PLAC1: variants seen among roughly 807,000 people sequenced by gnomAD.
PLAC1 encodes placenta-specific protein 1.
For missense variants in PLAC1, 136 were observed against 163.2 expected (o/e 0.83, Z 0.91); for synonymous variants, 68 against 62.1 (o/e 1.09, Z -0.44).
intron 1 of PLAC1, among the ~76,000 whole-genome samples, chrX:134,638,058 A>G (rs996041323): frequency 1.8e-5 from 2 of 112,158 alleles, no homozygotes; most frequent in Admixed American, 9.5e-5. Context: ...CTTTGTTTAA[A>G]TGTCCTTTTT....
At chrX:134,640,986 C>G (rs1163797076) in intron 1 of PLAC1, among the ~76,000 whole-genome samples, 1 of 111,911 alleles carries the variant, frequency 8.9e-6, no homozygotes, top group Non-Finnish European at 1.9e-5. Flanking sequence ...GTGGCATGTG[C>G]CTGTAGTCCT....
chrX:134,575,838 TA>T (rs1179537183), intron 2 of PLAC1, among the ~76,000 whole-genome samples: 2 of 108,800 alleles, frequency 1.8e-5, no homozygotes, highest in Non-Finnish European at 3.8e-5. Flanking sequence ...ATTACTTGTT[TA>T]AAAAAAAGCA....
chrX:134,630,657 G>GCT (rs772866843), intron 1 of PLAC1, among the ~76,000 whole-genome samples: 11 of 112,010 alleles, frequency 9.8e-5, no homozygotes, highest in African/African-American at 3.6e-4. Flanking sequence ...AAGTAGACTG[G>GCT]CTCTAAGTAG....
intron 1 of PLAC1, among the ~76,000 whole-genome samples, chrX:134,641,203 T>C (rs2078306336): frequency 9.0e-6 from 1 of 111,556 alleles, no homozygotes; most frequent in Admixed American, 9.5e-5. Context: ...CAGTGAGCTA[T>C]GATCACACCA....
At chrX:134,618,197 A>G (rs2078193805) in intron 1 of PLAC1, among the ~76,000 whole-genome samples, 1 of 111,721 alleles carries the variant, frequency 9.0e-6, no homozygotes, top group South Asian at 3.8e-4. Flanking sequence ...TGTTTTGAAT[A>G]AAGTGACAAA....
At chrX:134,643,188 T>C (rs2078315424) in intron 1 of PLAC1, among the ~76,000 whole-genome samples, 1 of 111,761 alleles carries the variant, frequency 8.9e-6, no homozygotes, top group Non-Finnish European at 1.9e-5. Flanking sequence ...GACAATTTTC[T>C]GGGATACTTT....
chrX:134,745,656 G>A (rs143079580), intron 1 of PLAC1, among the ~76,000 whole-genome samples: 144 of 111,992 alleles, frequency 1.3e-3, no homozygotes, highest in African/African-American at 4.1e-3. Flanking sequence ...CGCAGTAACA[G>A]GAATGTCACT....
At chrX:134,667,443 T>C (rs1263074732) in intron 2 of PLAC1, among the ~76,000 whole-genome samples, 3 of 112,009 alleles carry the variant, frequency 2.7e-5, no homozygotes, top group East Asian at 5.6e-4. Context: ...CATCAATAAT[T>C]AGGGTAATGC....
intron 2 of PLAC1, among the ~76,000 whole-genome samples, chrX:134,694,201 C>T (rs1035911407): frequency 1.8e-5 from 2 of 111,526 alleles, no homozygotes; most frequent in Admixed American, 9.5e-5. Flanking sequence ...CTGCCCCTAA[C>T]AGTGCCTAGG....
At chrX:134,758,549 G>C (rs2078762430) in intron 1 of PLAC1, among the ~76,000 whole-genome samples, 1 of 111,998 alleles carries the variant, frequency 8.9e-6, no homozygotes, top group African/African-American at 3.2e-5. Flanking sequence ...CCTGGGGAAA[G>C]GACACTTTCT....
chrX:134,601,512 T>C (rs1443355090), intron 2 of PLAC1: 1 of 112,195 alleles, frequency 8.9e-6, no homozygotes, highest in Non-Finnish European at 1.9e-5. Context: ...CAGAATATTT[T>C]ACCATCATAT....
intron 2 of PLAC1, among the ~76,000 whole-genome samples, chrX:134,698,372 G>C (rs2078571763): frequency 9.0e-6 from 1 of 111,570 alleles, no homozygotes; most frequent in Non-Finnish European, 1.9e-5. Flanking sequence ...AGAATCTCTT[G>C]AACCTTGGAG....
intron 2 of PLAC1, among the ~76,000 whole-genome samples, chrX:134,665,444 T>C (rs918715156): frequency 8.9e-6 from 1 of 111,985 alleles, no homozygotes; most frequent in African/African-American, 3.3e-5. Flanking sequence ...CATTCTTCTG[T>C]TGATGGGCAT....
chrX:134,676,189 G>A (rs371269963), intron 2 of PLAC1, among the ~76,000 whole-genome samples: 1 of 111,672 alleles, frequency 9.0e-6, no homozygotes, highest in East Asian at 2.8e-4. Flanking sequence ...AAATTGAAAA[G>A]CCTGTTTGGC....
At chrX:134,710,052 T>C (rs2078623241) in intron 2 of PLAC1, among the ~76,000 whole-genome samples, 1 of 111,436 alleles carries the variant, frequency 9.0e-6, no homozygotes, top group African/African-American at 3.3e-5. Flanking sequence ...ATAAGCCATA[T>C]AGTGGGAGAA....
At chrX:134,601,252 G>A (rs1409563674) in intron 2 of PLAC1, among the ~76,000 whole-genome samples, 1 of 112,015 alleles carries the variant, frequency 8.9e-6, no homozygotes. Flanking sequence ...GGATTTCATA[G>A]TATGGACAAC....
intron 2 of PLAC1, among the ~76,000 whole-genome samples, chrX:134,699,779 T>C (rs1200948499): frequency 8.9e-6 from 1 of 111,860 alleles, no homozygotes; most frequent in African/African-American, 3.3e-5. Context: ...AAATCAGTTC[T>C]TGTTATCCCC....
At chrX:134,691,883 G>C (rs190381219) in intron 2 of PLAC1, among the ~76,000 whole-genome samples, 1 of 111,888 alleles carries the variant, frequency 8.9e-6, no homozygotes, top group Admixed American at 9.5e-5. Flanking sequence ...GCAAGTGGGA[G>C]AGTTCTGAAT....
intron 1 of PLAC1, among the ~76,000 whole-genome samples, chrX:134,752,229 T>C (rs1201525358): frequency 9.3e-6 from 1 of 107,479 alleles, no homozygotes; most frequent in Non-Finnish European, 1.9e-5. Flanking sequence ...TCGTTTTTCT[T>C]TTCATTTCTT....
Sources: gnomAD v4.1 joint callset for allele counts (sites outside exome capture counted in the v4.1 genomes callset) on GRCh38, gnomAD v4.1.1 for gene constraint, MANE v1.5 for transcripts, NCBI Gene and HGNC (gene_info 2026-07-23, HGNC 2026-07-21) for gene names.